ACYP2: variants seen among roughly 807,000 people sequenced by gnomAD.
ACYP2 encodes acylphosphatase 2.
A neutral mutation model predicts 11.2 loss-of-function variants in ACYP2; 12 were observed. The observed-to-expected ratio is 1.08, with a 90% CI of 0.69 to 1.74. ACYP2 has a LOEUF of 1.74. Ranked by LOEUF, ACYP2 falls within the 40% of genes most tolerant of loss-of-function variation. ACYP2 has a pLI of 0.00. For missense variants in ACYP2, 134 were observed against 101.9 expected (o/e 1.31, Z -1.35); for synonymous variants, 43 against 32.2 (o/e 1.33, Z -1.13).
intron 6 of ACYP2, chr2:54,256,129 T>C: frequency 6.2e-7 from 1 of 1,613,672 alleles, no homozygotes; most frequent in South Asian, 1.1e-5. Context: ...AGCGGGGCTG[T>C]GAGGACTCTC....
rs1267544795 is a variant in ACYP2, at chr2:53,971,253, T to A, written c.-105T>A. The A allele has an allele frequency of 6.5e-6, 1 of 153,908 alleles. No homozygotes were observed. The highest frequency in any genetic ancestry group is 2.4e-5 in the African/African-American group (1 of 41,518). The allele number at this position is 153,908 out of a possible 1,614,324, so 9.5% of individuals were successfully genotyped here. On this transcript the variant is annotated 5_prime_UTR_variant, in exon 1 of 7. Coordinates refer to ENST00000607452, the MANE Select transcript of ACYP2 (RefSeq NM_001320586.2). ...CCGAATTCCAAGCTATTGTCCTGCT[T>A]CGCCGGGGGTCGCGCACTCCAAGCG... is the stretch of plus-strand genomic sequence containing the variant.
intron 4 of ACYP2, among the ~76,000 whole-genome samples, chr2:54,063,224 G>A (rs1357064283): frequency 1.3e-5 from 2 of 152,072 alleles, no homozygotes; most frequent in African/African-American, 2.4e-5. Flanking sequence ...GGGTTCAAGC[G>A]ATTTGGCTGC....
intron 2 of ACYP2, among the ~76,000 whole-genome samples, chr2:54,004,601 C>T (rs963818008): frequency 1.1e-4 from 17 of 151,128 alleles, no homozygotes; most frequent in Admixed American, 2.6e-4. Flanking sequence ...TTAGTAGAGA[C>T]GGGTTTCACA....
intron 4 of ACYP2, among the ~76,000 whole-genome samples, chr2:54,120,601 C>T (rs1680090248): frequency 1.3e-5 from 2 of 152,132 alleles, no homozygotes; most frequent in African/African-American, 4.8e-5. Flanking sequence ...CTTTGCCAGC[C>T]AGAAATCTCC....
At chr2:54,098,613 G>C (rs1201829166) in intron 4 of ACYP2, among the ~76,000 whole-genome samples, 1 of 152,056 alleles carries the variant, frequency 6.6e-6, no homozygotes, top group Non-Finnish European at 1.5e-5. Flanking sequence ...ACTTGATTTA[G>C]ATACCAAGAT....
intron 6 of ACYP2, among the ~76,000 whole-genome samples, chr2:54,292,669 TACACACACACACACAC>T (rs3071218): frequency 0.045 from 6,766 of 149,052 alleles, 489 homozygotes; most frequent in African/African-American, 0.15. Context: ...TATATATGTA[TACACACACACACACAC>T]ACACACACAC....
intron 6 of ACYP2, among the ~76,000 whole-genome samples, chr2:54,214,499 C>G (rs890080876): frequency 6.6e-6 from 1 of 152,174 alleles, no homozygotes; most frequent in African/African-American, 2.4e-5. Flanking sequence ...AATAGGGAGT[C>G]CTTTTCCCAT....
intron 4 of ACYP2, among the ~76,000 whole-genome samples, chr2:54,098,326 A>T (rs1406757088): frequency 1.3e-5 from 2 of 152,042 alleles, no homozygotes; most frequent in Non-Finnish European, 2.9e-5. Flanking sequence ...TGATTGTCTC[A>T]AAGTTCTAAC....
At chr2:54,113,583 G>C (rs1679573399) in intron 4 of ACYP2, among the ~76,000 whole-genome samples, 2 of 152,114 alleles carry the variant, frequency 1.3e-5, no homozygotes, top group African/African-American at 2.4e-5. Context: ...GAGGTTGGTT[G>C]AATCTATGGA....
intron 4 of ACYP2, among the ~76,000 whole-genome samples, chr2:54,074,433 A>G (rs890051060): frequency 6.6e-6 from 1 of 152,204 alleles, no homozygotes; most frequent in Non-Finnish European, 1.5e-5. Flanking sequence ...CCTCATCTCT[A>G]CTTTATTTTA....
chr2:54,269,731 C>A (rs1688196734), intron 6 of ACYP2, among the ~76,000 whole-genome samples: 1 of 152,180 alleles, frequency 6.6e-6, no homozygotes, highest in African/African-American at 2.4e-5. Flanking sequence ...ATGTTAAAAT[C>A]AGTAATAATG....
chr2:54,009,067 T>G (rs559020545), intron 2 of ACYP2, among the ~76,000 whole-genome samples: 22 of 151,070 alleles, frequency 1.5e-4, no homozygotes, highest in African/African-American at 5.4e-4. Flanking sequence ...GCAGGAGAAT[T>G]GCTTGAATCT....
At chr2:54,087,600 C>T (rs1678007736) in intron 4 of ACYP2, among the ~76,000 whole-genome samples, 1 of 152,216 alleles carries the variant, frequency 6.6e-6, no homozygotes, top group African/African-American at 2.4e-5. Flanking sequence ...ATCTGTCTGC[C>T]TTGGCCTCCC....
At chr2:54,182,389 G>A (rs114804085) in intron 6 of ACYP2, among the ~76,000 whole-genome samples, 1,937 of 152,074 alleles carry the variant, frequency 0.013, 45 homozygotes, top group African/African-American at 0.043. Flanking sequence ...TTGCCCGGGC[G>A]GGAATACGGT....
At chr2:54,201,172 C>T (rs551045413) in intron 6 of ACYP2, among the ~76,000 whole-genome samples, 1 of 151,344 alleles carries the variant, frequency 6.6e-6, no homozygotes, top group East Asian at 1.9e-4. Context: ...GAGGCGCAAT[C>T]TCGGCTCACT....
chr2:54,108,845 G>T (rs1679309428), intron 4 of ACYP2, among the ~76,000 whole-genome samples: 1 of 152,030 alleles, frequency 6.6e-6, no homozygotes. Flanking sequence ...GTTTTCTAAA[G>T]GACTCAATGC....
At chr2:54,295,364 T>G (rs1249010196) in intron 6 of ACYP2, among the ~76,000 whole-genome samples, 8 of 152,238 alleles carry the variant, frequency 5.3e-5, no homozygotes, top group Non-Finnish European at 1.2e-4. Flanking sequence ...GGGACTACCA[T>G]GAGTAAAATA....
intron 2 of ACYP2, among the ~76,000 whole-genome samples, chr2:54,039,404 G>A (rs749273179): frequency 5.9e-5 from 9 of 151,420 alleles, no homozygotes; most frequent in East Asian, 2.0e-4. Flanking sequence ...CGATCCTCCC[G>A]CCTCAGCCTC....
rs1462917958 is a variant in ACYP2, at chr2:54,116,968, C to T, written c.278-18485C>T. 2.6e-5 allele frequency among the ~76,000 whole-genome samples: 4 copies of T among 152,044 alleles called. No homozygotes were observed. The East Asian group carries it at 5.8e-4, about 22-fold the overall frequency. On this transcript the variant is annotated intron_variant, in intron 4 of 6. Coordinates refer to ENST00000607452, the MANE Select transcript of ACYP2 (RefSeq NM_001320586.2). ...GATGATTCAGGTCAGAGCAGGTGAC[C>T]AGGGGTGACTCAGGATGGAGCAGGT...
Sources: allele counts gnomAD v4.1 joint callset (sites outside exome capture counted in the v4.1 genomes callset), GRCh38; gene constraint gnomAD v4.1.1; transcripts MANE v1.5; gene names NCBI Gene and HGNC (gene_info 2026-07-23, HGNC 2026-07-21).